SASH1: variants seen among roughly 807,000 people sequenced by gnomAD.
The protein encoded by SASH1 is SAM and SH3 domain containing 1.
A neutral mutation model predicts 125.2 loss-of-function variants in SASH1; 44 were observed. The ratio of observed to expected loss-of-function variants is 0.35; its 90% CI spans 0.28 to 0.45. The LOEUF (loss-of-function observed/expected upper bound fraction) is 0.45, where lower values mean the gene tolerates loss of function less well. Among genes scored for constraint, SASH1 ranks in the 20% least tolerant of loss-of-function variants. SASH1 has a pLI of 1.00. For synonymous variants in SASH1, 639 were observed against 649.1 expected, an observed-to-expected ratio of 0.98 and a Z score of 0.24; for missense variants, 1,426 against 1,614.5, an observed-to-expected ratio of 0.88 and a Z score of 2.00.
At chr6:148,248,368 A>T in the SASH1 span, among the ~76,000 whole-genome samples, 27 of 152,314 alleles carry the variant, frequency 1.8e-4, no homozygotes, top group African/African-American at 5.5e-4. Flanking sequence ...GAAATTTGAT[A>T]TGTTATTAAA....
chr6:148,242,633 A>C, the SASH1 span, among the ~76,000 whole-genome samples: 1 of 152,234 alleles, frequency 6.6e-6, no homozygotes, highest in East Asian at 1.9e-4. Context: ...TTTACAAGTT[A>C]AGAGATGACC....
rs202050632 is a variant in SASH1 at position 148,390,280 on chromosome 6, G to A, written c.285+18G>A. On this transcript the variant is annotated intron_variant, in intron 2 of 19. Coordinates refer to ENST00000367467, the MANE Select transcript of SASH1 (RefSeq NM_015278.5). ...TGGAAGTGGTGAGTGGGGGTCCTGG[G>A]AATATGCTTCTGTGAGCAGAGCTGC... 2.5e-6 allele frequency: 4 copies of A among 1,608,158 alleles called. No homozygotes were observed. The Admixed American group carries it at 5.0e-5, about 20-fold the overall frequency.
chr6:148,359,902 GTGCCCGCCACCATGCC>G (rs1483937835), intron 1 of SASH1, among the ~76,000 whole-genome samples: 2 of 152,132 alleles, frequency 1.3e-5, no homozygotes, highest in Admixed American at 1.3e-4. Context: ...GGGACTACAG[GTGCCCGCCACCATGCC>G]TGGCTAATTT....
At chr6:148,460,625 T>C (rs770442199) in intron 4 of SASH1, among the ~76,000 whole-genome samples, 3 of 152,190 alleles carry the variant, frequency 2.0e-5, no homozygotes, top group Non-Finnish European at 4.4e-5. Context: ...GCAACATCAA[T>C]GACAAATTAT....
In SASH1 at chr6:148,544,672, A is replaced by T. The variant is rs769422406; in HGVS notation, c.3202A>T (p.Thr1068Ser). 1 of 1,613,366 alleles carries T rather than the reference A, an allele frequency of 6.2e-7. No homozygotes were observed. Among genetic ancestry groups the T allele is most frequent in the South Asian group, 1.1e-5 (1 of 90,910 alleles). ...CTGGCTCTCAGAGCTCCCCGAGAACACAAGCCTCCAGGAGCACGGTGTGAA... is the reference window on the plus strand; with the variant it reads ...CTGGCTCTCAGAGCTCCCCGAGAACTCAAGCCTCCAGGAGCACGGTGTGAA... ...PPWLSELPEN[T>S]SLQEHGVKLG... The change falls in exon 18 of 20, where the codon ACA becomes TCA. Residue 1068 changes from threonine to serine, a missense_variant. Around this residue, in one of 3 missense-constraint regions of SASH1, gnomAD observed 634 missense variants for 694.4 expected, o/e 0.91. Coordinates refer to ENST00000367467, the MANE Select transcript of SASH1 (RefSeq NM_015278.5). This position sits in a 1 kb window ranked among gnomAD's most constrained non-coding sequence, Gnocchi z 6.4.
intron 4 of SASH1, among the ~76,000 whole-genome samples, chr6:148,444,758 A>T (rs896725598): frequency 1.3e-5 from 2 of 152,208 alleles, no homozygotes; most frequent in Non-Finnish European, 2.9e-5. Flanking sequence ...GACCTCATGC[A>T]AGAAAGAATT....
chr6:148,400,806 G>C (rs958715010), intron 2 of SASH1, among the ~76,000 whole-genome samples: 3 of 152,126 alleles, frequency 2.0e-5, no homozygotes, highest in African/African-American at 7.2e-5. Context: ...TGTATCAGTG[G>C]GAGGTTTCTC....
chr6:148,543,208 G>C (rs1479996109), intron 17 of SASH1, among the ~76,000 whole-genome samples: 1 of 152,140 alleles, frequency 6.6e-6, no homozygotes, highest in African/African-American at 2.4e-5. Context: ...GGGAAGGTGG[G>C]ATTTGAGTAT....
At chr6:148,328,954 T>G (rs963119038) in intron 1 of SASH1, among the ~76,000 whole-genome samples, 3 of 152,180 alleles carry the variant, frequency 2.0e-5, no homozygotes, top group African/African-American at 7.2e-5. Context: ...TCTTCTTCCT[T>G]TCATGTGTGT....
At chr6:148,338,047 C>T (rs1781212963), upstream of SASH1, among the ~76,000 whole-genome samples, 2 of 147,158 alleles carry the variant, frequency 1.4e-5, no homozygotes, top group Admixed American at 6.8e-5. Flanking sequence ...TACCCATCTT[C>T]AATGGAATAT....
At chr6:148,251,485 T>C in the SASH1 span, among the ~76,000 whole-genome samples, 5 of 152,178 alleles carry the variant, frequency 3.3e-5, no homozygotes, top group African/African-American at 1.2e-4. Flanking sequence ...ATAGATGCTA[T>C]ACTTTAGTGC....
chr6:148,304,516 T>A (rs9497998), intron 1 of SASH1, among the ~76,000 whole-genome samples: 1 of 148,080 alleles, frequency 6.8e-6, no homozygotes, highest in Non-Finnish European at 1.5e-5. Context: ...GAGGGTGAGG[T>A]AGAGACTTGC....
chr6:148,341,317 G>GTTTT (rs1179914037), upstream of SASH1, among the ~76,000 whole-genome samples: 2 of 120,222 alleles, frequency 1.7e-5, no homozygotes, highest in African/African-American at 6.3e-5. Flanking sequence ...GCTATGTTTT[G>GTTTT]TTTTTTTTTT....
rs367983524 is a variant in SASH1, at chr6:148,440,339, T to C, written c.337-19T>C. ...CCTGCTGCTCTGACCACACTGACTA[T>C]ACGAATCTTCTCTCGTAGGAGTCGC... is the stretch of plus-strand genomic sequence containing the variant. On this transcript the variant is annotated intron_variant, in intron 3 of 19. Coordinates refer to ENST00000367467, the MANE Select transcript of SASH1 (RefSeq NM_015278.5). 2.5e-6 allele frequency: 4 copies of C among 1,613,616 alleles called. 1 individual carries two copies. The highest frequency in any genetic ancestry group is 3.4e-6 in the Non-Finnish European group (4 of 1,179,624).
intron 4 of SASH1, 48 bp downstream of exon 4, chr6:148,440,455 T>C (rs769792085): frequency 1.3e-6 from 2 of 1,515,078 alleles, no homozygotes; most frequent in Admixed American, 3.4e-5. Flanking sequence ...GAAGGTGTCT[T>C]TTAGGTCCAT....
chr6:148,312,207 G>A (rs1052486528), intron 1 of SASH1, among the ~76,000 whole-genome samples: 1 of 152,288 alleles, frequency 6.6e-6, no homozygotes. Context: ...TCTATATCTT[G>A]ACTGTCATGC....
Position 148,527,603 on chromosome 6 carries a change from A to C in SASH1, c.1428+7A>C. On this transcript the variant is annotated splice_region_variant and intron_variant, in intron 12 of 19. Transcript: ENST00000367467. ...CAGCTCTGTCTCTGAGCAGGTATGC[A>C]GCTACCTGGTAGAATGTTCCCTTGG... 6.3e-7 allele frequency: 1 copy of C among 1,597,106 alleles called. No individual in the cohort carries two copies. Among genetic ancestry groups the C allele is most frequent in the East Asian group, 2.3e-5 (1 of 44,116 alleles).
the SASH1 span, among the ~76,000 whole-genome samples, chr6:148,241,948 C>CA: frequency 6.6e-6 from 1 of 152,100 alleles, no homozygotes; most frequent in African/African-American, 2.4e-5. Flanking sequence ...AGAATTGGGT[C>CA]AAAAATGAAG....
At chr6:148,303,468 A>T (rs77221126) in intron 1 of SASH1, among the ~76,000 whole-genome samples, 9,664 of 152,240 alleles carry the variant, frequency 0.063, 535 homozygotes, top group East Asian at 0.27. Flanking sequence ...GAAATCAATA[A>T]CAGAAGGAAA....
Sources: allele counts gnomAD v4.1 joint callset (sites outside exome capture counted in the v4.1 genomes callset), GRCh38; gene constraint gnomAD v4.1.1; regional missense constraint gnomAD v4.1.1; non-coding constraint Gnocchi (gnomAD v3.1); transcripts MANE v1.5; gene names NCBI Gene and HGNC (gene_info 2026-07-23, HGNC 2026-07-21).